SEMA6D: variants seen among roughly 807,000 people sequenced by gnomAD.
The protein encoded by SEMA6D is semaphorin 6D, also known as semaphorin-6D.
SEMA6D carries 35 observed loss-of-function variants against 106.6 expected under a neutral mutation model. The ratio of observed to expected loss-of-function variants is 0.33; its 90% CI spans 0.25 to 0.44. The LOEUF (loss-of-function observed/expected upper bound fraction) is 0.44, where lower values mean the gene tolerates loss of function less well. Among genes scored for constraint, SEMA6D ranks in the 20% least tolerant of loss-of-function variants. The probability of loss-of-function intolerance (pLI) is 1.00; values close to 1 mark genes in which losing one functional copy is unlikely to be tolerated. For synonymous variants in SEMA6D, 499 were observed against 487.7 expected (o/e 1.02, Z -0.31); for missense variants, 1,185 against 1,345.9 (o/e 0.88, Z 1.87).
intron 2 of SEMA6D, among the ~76,000 whole-genome samples, chr15:47,424,792 G>C (rs1405581989): frequency 1.3e-5 from 2 of 152,092 alleles, no homozygotes; most frequent in Non-Finnish European, 2.9e-5. Flanking sequence ...AGATTAACAG[G>C]AGCAAAAGCA....
intron 3 of SEMA6D, among the ~76,000 whole-genome samples, chr15:47,528,010 A>T (rs2044820958): frequency 6.6e-6 from 1 of 152,194 alleles, no homozygotes; most frequent in Admixed American, 6.5e-5. Context: ...AGGTAGTATC[A>T]TTTTATTTCC....
intron 4 of SEMA6D, among the ~76,000 whole-genome samples, chr15:47,609,945 C>T (rs1045958251): frequency 6.6e-6 from 1 of 152,228 alleles, no homozygotes; most frequent in South Asian, 2.1e-4. Context: ...CATGTGTGCT[C>T]TGTTCTGCCT....
intron 1 of SEMA6D, among the ~76,000 whole-genome samples, chr15:47,317,987 C>A (rs28609405): frequency 0.43 from 62,192 of 143,564 alleles, 15,513 homozygotes; most frequent in Non-Finnish European, 0.56. Flanking sequence ...TTCCCACTTT[C>A]TGCTTATGTT....
At chr15:47,374,145 T>C (rs1252312884) in intron 1 of SEMA6D, among the ~76,000 whole-genome samples, 1 of 152,198 alleles carries the variant, frequency 6.6e-6, no homozygotes, top group Non-Finnish European at 1.5e-5. Flanking sequence ...ATTAAGTACG[T>C]ATGTTAATAA....
At chr15:47,195,172 G>A (rs1283958984) in intron 1 of SEMA6D, among the ~76,000 whole-genome samples, 2 of 152,096 alleles carry the variant, frequency 1.3e-5, no homozygotes, top group African/African-American at 4.8e-5. Flanking sequence ...GTTAAGTGGG[G>A]ACAGTGGAGA....
intron 3 of SEMA6D, among the ~76,000 whole-genome samples, chr15:47,497,621 G>A (rs913299201): frequency 8.6e-5 from 13 of 152,014 alleles, no homozygotes; most frequent in African/African-American, 2.7e-4. Context: ...AAAAATATTT[G>A]TATGCCTCAG....
In SEMA6D at chr15:47,438,822, G is replaced by A. The variant is rs74500772; in HGVS notation, c.-159+26350G>A. 5.5e-3 allele frequency among the ~76,000 whole-genome samples: 841 copies of A among 151,886 alleles called. 8 individuals are homozygous for A. Among genetic ancestry groups the A allele is most frequent in the African/African-American group, 0.019 (799 of 41,426 alleles). Reference sequence around the variant, plus strand: ...TCCTTCTAGAATTTAAACTCCATGCGGGAGAGAGGTTTTTGATTTGGCTCA... The same window carrying A: ...TCCTTCTAGAATTTAAACTCCATGCAGGAGAGAGGTTTTTGATTTGGCTCA... On this transcript the variant is annotated intron_variant, in intron 2 of 19. Coordinates refer to the SEMA6D transcript ENST00000558014.
chr15:47,655,974 C>T (rs2077785072), intron 4 of SEMA6D, among the ~76,000 whole-genome samples: 1 of 152,252 alleles, frequency 6.6e-6, no homozygotes, highest in South Asian at 2.1e-4. Context: ...TATTTCAGCT[C>T]TAATACTGTA....
chr15:47,482,261 AT>A, intron 3 of SEMA6D, among the ~76,000 whole-genome samples: 1 of 152,200 alleles, frequency 6.6e-6, no homozygotes, highest in Non-Finnish European at 1.5e-5. Flanking sequence ...AATCTTTTAT[AT>A]TAAAGATAGT....
chr15:47,771,318 C>T lies in SEMA6D; in HGVS notation c.2755C>T (p.Pro919Ser). 1.2e-6 allele frequency: 2 copies of T among 1,613,942 alleles called. No homozygotes were observed. The highest frequency in any genetic ancestry group is 1.7e-6 in the Non-Finnish European group (2 of 1,179,952). ...LDPMGSMSEV[P>S]PKVPNREASL... ...TCCCATGGGATCGATGTCTGAGGTC[C>T]CACCTAAAGTCCCTAACCGGGAGGC... is the stretch of plus-strand genomic sequence containing the variant. The change falls in exon 19 of 19, where the codon CCA becomes TCA. Residue 919 changes from proline (P) to serine (S), a missense_variant. Physicochemically the swap from Pro to Ser is moderately conservative, Grantham distance 74. Around this residue, in one of 3 missense-constraint regions of SEMA6D, gnomAD observed 750 missense variants for 783.5 expected, o/e 0.96. Transcript: ENST00000536845.
At chr15:47,460,298 T>G (rs1392494063) in intron 2 of SEMA6D, among the ~76,000 whole-genome samples, 1 of 152,102 alleles carries the variant, frequency 6.6e-6, no homozygotes, top group Non-Finnish European at 1.5e-5. Context: ...TCAAGTCTTC[T>G]TTACCCTGAA....
chr15:47,582,463 A>G (rs2076271099), intron 3 of SEMA6D, among the ~76,000 whole-genome samples: 1 of 152,234 alleles, frequency 6.6e-6, no homozygotes. Flanking sequence ...TAAATGCCTC[A>G]GCAAAAAGCA....
intron 1 of SEMA6D, among the ~76,000 whole-genome samples, chr15:47,746,203 T>C (rs1274492828): frequency 6.6e-6 from 1 of 152,236 alleles, no homozygotes; most frequent in African/African-American, 2.4e-5. Context: ...TTAACCCTTC[T>C]GTAAACTCAT....
intron 3 of SEMA6D, chr15:47,525,421 A>G (rs2044720155): frequency 6.6e-6 from 1 of 152,194 alleles, no homozygotes; most frequent in African/African-American, 2.4e-5. Flanking sequence ...CACATGGAGG[A>G]CATCTTCAGG....
At chr15:47,401,431 C>G (rs141706441) in intron 1 of SEMA6D, among the ~76,000 whole-genome samples, 24 of 152,236 alleles carry the variant, frequency 1.6e-4, no homozygotes, top group African/African-American at 5.5e-4. Flanking sequence ...TTAAAGAGCT[C>G]TTTAAAATTA....
At chr15:47,185,444 T>C (rs1266276116) in intron 1 of SEMA6D, among the ~76,000 whole-genome samples, 1 of 152,184 alleles carries the variant, frequency 6.6e-6, no homozygotes, top group Non-Finnish European at 1.5e-5. Flanking sequence ...GGCCGCTTTC[T>C]CTTGCTAGCA....
At chr15:47,566,951 A>G (rs2046247857) in intron 3 of SEMA6D, among the ~76,000 whole-genome samples, 1 of 152,248 alleles carries the variant, frequency 6.6e-6, no homozygotes, top group African/African-American at 2.4e-5. Flanking sequence ...GAATGAGCCT[A>G]GCCTTTTGCT....
At chr15:47,515,558 G>A (rs1275047248) in intron 3 of SEMA6D, among the ~76,000 whole-genome samples, 1 of 152,144 alleles carries the variant, frequency 6.6e-6, no homozygotes, top group African/African-American at 2.4e-5. Flanking sequence ...ATAAACTTTT[G>A]TAGCAAGCCT....
chr15:47,306,374 A>T (rs1325999707), intron 1 of SEMA6D, among the ~76,000 whole-genome samples: 1 of 152,206 alleles, frequency 6.6e-6, no homozygotes, highest in African/African-American at 2.4e-5. Context: ...TAATTACAGA[A>T]TTAATATGTA....
Sources: allele counts gnomAD v4.1 joint callset (sites outside exome capture counted in the v4.1 genomes callset), GRCh38; gene constraint gnomAD v4.1.1; regional missense constraint gnomAD v4.1.1; transcripts MANE v1.5; gene names NCBI Gene and HGNC (gene_info 2026-07-23, HGNC 2026-07-21).